DSCAML1: variants seen among roughly 807,000 people sequenced by gnomAD.
DSCAML1 encodes the protein cell adhesion molecule DSCAML1.
In DSCAML1, 38 loss-of-function variants were observed where a neutral mutation model predicts 200.5. That is an observed-to-expected ratio of 0.19 (90% CI 0.15 to 0.25). The LOEUF is 0.25. DSCAML1 is among the 10% of genes least tolerant of loss of function. The pLI is 1.00. For synonymous variants in DSCAML1, 1,215 were observed against 1,165.0 expected (o/e 1.04, Z -0.87); for missense variants, 2,223 against 2,858.8 (o/e 0.78, Z 5.07).
intron 3 of DSCAML1, among the ~76,000 whole-genome samples, chr11:117,573,087 G>T (rs1242426273): frequency 6.6e-6 from 1 of 152,172 alleles, no homozygotes; most frequent in Non-Finnish European, 1.5e-5. Flanking sequence ...TGGGGAAAAT[G>T]GAGCTCAAGT....
At chr11:117,534,613 A>T (rs1341038621) in intron 3 of DSCAML1, among the ~76,000 whole-genome samples, 2 of 151,974 alleles carry the variant, frequency 1.3e-5, no homozygotes, top group African/African-American at 2.4e-5. Context: ...TTTTATTTTC[A>T]TTTTATATAT....
intron 3 of DSCAML1, among the ~76,000 whole-genome samples, chr11:117,717,759 G>A (rs1728162578): frequency 6.6e-6 from 1 of 152,112 alleles, no homozygotes; most frequent in South Asian, 2.1e-4. Flanking sequence ...AGCTGTCCTC[G>A]AGGCACATCT....
chr11:117,651,872 A>G (rs994319115), intron 3 of DSCAML1, among the ~76,000 whole-genome samples: 1 of 152,182 alleles, frequency 6.6e-6, no homozygotes, highest in Non-Finnish European at 1.5e-5. Flanking sequence ...CTCTGCAGAA[A>G]TAGGTTCAGG....
intron 3 of DSCAML1, among the ~76,000 whole-genome samples, chr11:117,707,595 G>A (rs939883321): frequency 4.4e-4 from 67 of 152,068 alleles, no homozygotes; most frequent in Non-Finnish European, 2.9e-4. Context: ...GTGCGGTGGC[G>A]TGACCTCGAC....
At chr11:117,788,125 A>C (rs1185667026) in intron 1 of DSCAML1, among the ~76,000 whole-genome samples, 2 of 152,184 alleles carry the variant, frequency 1.3e-5, no homozygotes, top group Non-Finnish European at 2.9e-5. Context: ...TGAGTTTCCC[A>C]GACAGCATCA....
intron 3 of DSCAML1, among the ~76,000 whole-genome samples, chr11:117,546,600 G>A (rs1356712447): frequency 2.0e-5 from 3 of 151,994 alleles, no homozygotes; most frequent in Admixed American, 2.0e-4. Context: ...TCAGCTTCCC[G>A]GGAGCCCTGA....
intron 11 of DSCAML1, among the ~76,000 whole-genome samples, chr11:117,491,226 A>G (rs1319567559): frequency 6.6e-6 from 1 of 152,202 alleles, no homozygotes; most frequent in Non-Finnish European, 1.5e-5. Flanking sequence ...CACCCCATTC[A>G]TGGGCATGAC....
intron 3 of DSCAML1, among the ~76,000 whole-genome samples, chr11:117,758,691 A>C (rs2054742277): frequency 6.6e-6 from 1 of 152,064 alleles, no homozygotes. Flanking sequence ...TGTGAGCCAA[A>C]GCGCCCGGCC....
At chr11:117,700,080 A>G (rs7127046) in intron 3 of DSCAML1, among the ~76,000 whole-genome samples, 2,322 of 152,248 alleles carry the variant, frequency 0.015, 66 homozygotes, top group African/African-American at 0.052. Context: ...ATCTTTTGGG[A>G]GCTCACAAGT....
intron 3 of DSCAML1, among the ~76,000 whole-genome samples, chr11:117,748,029 G>A (rs1042478600): frequency 2.0e-5 from 3 of 152,214 alleles, no homozygotes; most frequent in Admixed American, 2.0e-4. Context: ...GAAGGGCACA[G>A]GCTTTCTTGG....
rs2051150280 is a variant in DSCAML1, at chr11:117,586,679, T to G, written c.512-54157A>C. ...GGAAGTTCAAGGAAGGCTTGGAGAA[T>G]TCATGCCTGCTTCCATGATGGGTTT... On this transcript the variant is annotated intron_variant, in intron 3 of 32. Coordinates refer to ENST00000651296, the MANE Select transcript of DSCAML1 (RefSeq NM_020693.4). 2.6e-5 allele frequency among the ~76,000 whole-genome samples: 4 copies of G among 152,256 alleles called. No individual in the cohort carries two copies. In the South Asian group the frequency reaches 8.3e-4, roughly 32 times the overall value.
intron 8 of DSCAML1, among the ~76,000 whole-genome samples, chr11:117,510,918 C>T (rs928539714): frequency 6.6e-6 from 1 of 152,186 alleles, no homozygotes; most frequent in South Asian, 2.1e-4. Context: ...AAATGGCATG[C>T]AGGCCATCTC....
At chr11:117,561,276 A>G (rs2050657581) in intron 3 of DSCAML1, among the ~76,000 whole-genome samples, 1 of 152,208 alleles carries the variant, frequency 6.6e-6, no homozygotes, top group South Asian at 2.1e-4. Flanking sequence ...GCACTGGACA[A>G]TGAGTCTGGA....
intron 3 of DSCAML1, among the ~76,000 whole-genome samples, chr11:117,592,277 G>A (rs915485186): frequency 3.3e-5 from 5 of 152,166 alleles, no homozygotes; most frequent in Admixed American, 3.3e-4. Context: ...CCTGGAGGCC[G>A]GCTCGGCAAG....
chr11:117,589,736 TTC>T (rs2051221903), intron 3 of DSCAML1, among the ~76,000 whole-genome samples: 1 of 152,194 alleles, frequency 6.6e-6, no homozygotes, highest in African/African-American at 2.4e-5. Context: ...AACGGGGAAG[TTC>T]TTAGTGTACC....
intron 1 of DSCAML1, among the ~76,000 whole-genome samples, chr11:117,793,268 G>C (rs2055509293): frequency 6.6e-6 from 1 of 152,144 alleles, no homozygotes; most frequent in Admixed American, 6.5e-5. Flanking sequence ...ACTGGGCTGG[G>C]AGCTGAGAAA....
At chr11:117,619,380 G>T (rs76589374) in intron 3 of DSCAML1, among the ~76,000 whole-genome samples, 2,387 of 152,336 alleles carry the variant, frequency 0.016, 29 homozygotes, top group East Asian at 0.057. Context: ...AGGAGGGCCT[G>T]GCCTCAGGAG....
rs545915224 is a variant in DSCAML1, at chr11:117,642,473, A to G, written c.512-109951T>C. 6.6e-6 allele frequency among the ~76,000 whole-genome samples: 1 copy of G among 152,234 alleles called. No homozygotes were observed. The highest frequency in any genetic ancestry group is 1.5e-5 in the Non-Finnish European group (1 of 68,040). ...AGGGGAACTGTCAGGCCCCACTGCC[A>G]ACATGCTCAGTAGGACACTAGACCA... On this transcript the variant is annotated intron_variant, in intron 3 of 32. Coordinates refer to ENST00000651296, the MANE Select transcript of DSCAML1 (RefSeq NM_020693.4). This position sits in a 1 kb window ranked among gnomAD's most constrained non-coding sequence, Gnocchi z 4.1.
At chr11:117,546,305 G>A (rs1030675433) in intron 3 of DSCAML1, among the ~76,000 whole-genome samples, 1 of 152,216 alleles carries the variant, frequency 6.6e-6, no homozygotes, top group Admixed American at 6.5e-5. Flanking sequence ...GCTGGATGAC[G>A]CCACGTGAGC....
Sources: gnomAD v4.1 joint callset for allele counts (sites outside exome capture counted in the v4.1 genomes callset) on GRCh38, gnomAD v4.1.1 for gene constraint, Gnocchi (gnomAD v3.1) non-coding constraint, MANE v1.5 for transcripts, NCBI Gene and HGNC (gene_info 2026-07-23, HGNC 2026-07-21) for gene names.